The following EEA1 variants were observed in gnomAD, a reference collection of about 807,000 sequenced individuals.
EEA1 encodes early endosome antigen 1, 162kD.
EEA1 carries 111 observed loss-of-function variants against 209.2 expected under a neutral mutation model. That is an observed-to-expected ratio of 0.53 (90% CI 0.45 to 0.62). The LOEUF (loss-of-function observed/expected upper bound fraction) is 0.62. EEA1 is among the 20% of genes least tolerant of loss of function. The pLI is 0.00. For missense variants in EEA1, 1,343 were observed against 1,530.8 expected, an observed-to-expected ratio of 0.88 and a Z score of 2.05; for synonymous variants, 536 against 540.6, an observed-to-expected ratio of 0.99 and a Z score of 0.12.
intron 21 of EEA1, among the ~76,000 whole-genome samples, chr12:92,797,238 C>T (rs1197281176): frequency 1.3e-5 from 2 of 152,118 alleles, no homozygotes; most frequent in East Asian, 1.9e-4. Flanking sequence ...CAGGTGCACA[C>T]CACCATGCCC....
intron 10 of EEA1, among the ~76,000 whole-genome samples, chr12:92,839,456 A>G (rs1426561586): frequency 1.3e-5 from 2 of 152,220 alleles, no homozygotes; most frequent in African/African-American, 4.8e-5. Flanking sequence ...TCCTTTTCCA[A>G]CTACATATCT....
chr12:92,896,675 T>C (rs900829458), intron 1 of EEA1, among the ~76,000 whole-genome samples: 1 of 151,676 alleles, frequency 6.6e-6, no homozygotes, highest in East Asian at 1.9e-4. Flanking sequence ...TGGTGGTGCG[T>C]GCCTGTAATC....
chr12:92,819,142 A>G (rs1005001856), intron 14 of EEA1, among the ~76,000 whole-genome samples, 166 bp downstream of exon 14: 1 of 152,208 alleles, frequency 6.6e-6, no homozygotes, highest in Non-Finnish European at 1.5e-5. Flanking sequence ...TCACTACAAT[A>G]GTAACCTACC....
At chr12:92,921,677 C>A (rs1411950392) in intron 1 of EEA1, among the ~76,000 whole-genome samples, 1 of 133,008 alleles carries the variant, frequency 7.5e-6, no homozygotes. Flanking sequence ...TGCAGCGCAC[C>A]AGCATGGCAC....
intron 3 of EEA1, among the ~76,000 whole-genome samples, chr12:92,863,850 G>A (rs1878252359): frequency 6.6e-6 from 1 of 152,164 alleles, no homozygotes; most frequent in Admixed American, 6.5e-5. Flanking sequence ...GACCGTGGAT[G>A]CTTTTATGTT....
At chr12:92,857,978 G>A (rs537591890) in intron 3 of EEA1, 3 of 303,502 alleles carry the variant, frequency 9.9e-6, no homozygotes, top group South Asian at 7.8e-5. Flanking sequence ...CCCTGATACT[G>A]CGCACTGAGT....
At chr12:92,891,745 A>G (rs771958991) in intron 1 of EEA1, 24 bp from the exon 2 acceptor site, 23 of 1,495,306 alleles carry the variant, frequency 1.5e-5, no homozygotes, top group African/African-American at 8.5e-5. Flanking sequence ...AGTAGGGAGG[A>G]AAAAAAAACA....
intron 1 of EEA1, among the ~76,000 whole-genome samples, chr12:92,911,912 CT>C (rs1880597124): frequency 6.6e-6 from 1 of 152,228 alleles, no homozygotes; most frequent in African/African-American, 2.4e-5. Flanking sequence ...TGTACCAACT[CT>C]TATTCTAACA....
intron 11 of EEA1, among the ~76,000 whole-genome samples, chr12:92,829,221 C>T (rs2136689895): frequency 6.6e-6 from 1 of 151,678 alleles, no homozygotes; most frequent in East Asian, 2.0e-4. Flanking sequence ...GCAGGAGAAT[C>T]GCTTGAACCC....
chr12:92,812,931 A>G (rs141309762), intron 16 of EEA1, 49 bp downstream of exon 16: 103 of 1,291,572 alleles, frequency 8.0e-5, no homozygotes, highest in Non-Finnish European at 1.1e-4. Context: ...CAATTTATTT[A>G]TCTACCAAAG....
chr12:92,862,957 G>A (rs1219650469), intron 3 of EEA1, among the ~76,000 whole-genome samples: 2 of 152,176 alleles, frequency 1.3e-5, no homozygotes, highest in Non-Finnish European at 2.9e-5. Context: ...CAATGATGAG[G>A]TGCCTCCAGA....
At chr12:92,904,448 C>A (rs539833367) in intron 1 of EEA1, among the ~76,000 whole-genome samples, 1 of 152,316 alleles carries the variant, frequency 6.6e-6, no homozygotes, top group South Asian at 2.1e-4. Context: ...GTTTTCCACA[C>A]CAATTCTCTG....
chr12:92,832,866 A>T lies in EEA1; in HGVS notation c.916-16T>A, dbSNP rs932577561. ...CTGTCAAGGTCTAAAATATCAATTT[A>T]ACAATTTATTTCCTTTTCTAATATT... is the stretch of plus-strand genomic sequence containing the variant. On this transcript the variant is annotated splice_polypyrimidine_tract_variant and intron_variant, in intron 10 of 28. Transcript: ENST00000322349. 6.4e-7 allele frequency: 1 copy of T among 1,554,232 alleles called. No homozygotes were observed. Among genetic ancestry groups the T allele is most frequent in the African/African-American group, 1.4e-5 (1 of 72,618 alleles).
At chr12:92,858,278 T>G in intron 3 of EEA1, 1 of 736,236 alleles carries the variant, frequency 1.4e-6, no homozygotes, top group African/African-American at 1.7e-5. Context: ...GAATGATCCT[T>G]CTTGCACGTG....
At chr12:92,790,247 C>T (rs930475493) in intron 21 of EEA1, among the ~76,000 whole-genome samples, 3 of 152,154 alleles carry the variant, frequency 2.0e-5, no homozygotes, top group South Asian at 2.1e-4. Context: ...CACAGCTCCT[C>T]GCCAGCAACA....
At chr12:92,880,260 C>T (rs1317393501) in intron 2 of EEA1, among the ~76,000 whole-genome samples, 2 of 152,114 alleles carry the variant, frequency 1.3e-5, no homozygotes, top group Non-Finnish European at 2.9e-5. Context: ...TGACTTGCAC[C>T]CAGTATAAAG....
At chr12:92,893,882 C>T (rs1306929216) in intron 1 of EEA1, among the ~76,000 whole-genome samples, 1 of 151,854 alleles carries the variant, frequency 6.6e-6, no homozygotes, top group East Asian at 1.9e-4. Flanking sequence ...AGATACTTTG[C>T]ACATTTATTT....
chr12:92,897,304 T>C (rs1446626569), intron 1 of EEA1, among the ~76,000 whole-genome samples: 1 of 152,220 alleles, frequency 6.6e-6, no homozygotes, highest in African/African-American at 2.4e-5. Context: ...TATAACTGTG[T>C]AGCTTTACCC....
intron 2 of EEA1, among the ~76,000 whole-genome samples, chr12:92,889,900 T>C (rs1344197064): frequency 3.3e-5 from 5 of 151,776 alleles, no homozygotes; most frequent in Non-Finnish European, 7.4e-5. Context: ...GGCAATAGAG[T>C]GAGACTCTGT....
Sources: allele counts gnomAD v4.1 joint callset (sites outside exome capture counted in the v4.1 genomes callset), GRCh38; gene constraint gnomAD v4.1.1; transcripts MANE v1.5; gene names NCBI Gene and HGNC (gene_info 2026-07-23, HGNC 2026-07-21).